The following CDK5RAP2 variants were observed in gnomAD, a reference collection of about 807,000 sequenced individuals.
CDK5RAP2 encodes the protein CDK5 regulatory subunit-associated protein 2.
CDK5RAP2 carries 147 observed loss-of-function variants against 232.9 expected under a neutral mutation model. The observed-to-expected ratio is 0.63, with a 90% CI of 0.55 to 0.72. CDK5RAP2 has a LOEUF of 0.72. CDK5RAP2 is among the 30% of genes least tolerant of loss of function. CDK5RAP2 has a pLI of 0.00. For missense variants in CDK5RAP2, 2,195 were observed against 2,231.5 expected, an observed-to-expected ratio of 0.98 and a Z score of 0.33; for synonymous variants, 833 against 833.7, an observed-to-expected ratio of 1.00 and a Z score of 0.01.
At chr9:120,568,044 A>G (rs1044471985) in intron 3 of CDK5RAP2, among the ~76,000 whole-genome samples, 3 of 152,202 alleles carry the variant, frequency 2.0e-5, no homozygotes, top group African/African-American at 7.2e-5. Context: ...TTAGGACACC[A>G]GAAAGACACC....
chr9:120,410,240 C>A (rs16909765), intron 29 of CDK5RAP2, among the ~76,000 whole-genome samples: 23,197 of 152,132 alleles, frequency 0.15, 1,950 homozygotes, highest in African/African-American at 0.21. Flanking sequence ...AAGATAATTT[C>A]TAAGCAAGCA....
intron 5 of CDK5RAP2, among the ~76,000 whole-genome samples, chr9:120,542,139 T>A (rs1412201121): frequency 6.6e-6 from 1 of 152,190 alleles, no homozygotes; most frequent in East Asian, 1.9e-4. Flanking sequence ...GGTATCATAT[T>A]AACATAGATA....
chr9:120,527,227 G>A (rs917573352), intron 10 of CDK5RAP2, among the ~76,000 whole-genome samples: 1 of 152,140 alleles, frequency 6.6e-6, no homozygotes, highest in Non-Finnish European at 1.5e-5. Flanking sequence ...TACCACCTTG[G>A]ATTACAAACG....
chr9:120,557,896 G>A (rs2042295873), intron 3 of CDK5RAP2, among the ~76,000 whole-genome samples: 1 of 149,230 alleles, frequency 6.7e-6, no homozygotes, highest in Non-Finnish European at 1.5e-5. Context: ...CTCCCGAGCA[G>A]CTGGGATTAC....
chr9:120,528,829 G>A (rs201312502), intron 8 of CDK5RAP2, 32 bp from the exon 9 acceptor site: 151 of 1,523,528 alleles, frequency 9.9e-5, no homozygotes, highest in Admixed American at 1.7e-4. Context: ...TGTGAAGAAG[G>A]GACGTGCAAT....
chr9:120,471,769 TG>T lies in CDK5RAP2; in HGVS notation c.1836del (p.Ser613AlafsTer21). The T allele has an allele frequency of 6.2e-7, 1 of 1,614,178 alleles. No individual in the cohort carries two copies. The highest frequency in any genetic ancestry group is 1.1e-5 in the South Asian group (1 of 91,084). On this transcript the variant is annotated frameshift_variant, in exon 16 of 38. Transcript: ENST00000349780. LOFTEE classifies it high-confidence loss of function. ...QNLRKTLEEQ[I>X]SEIRRREEES... ...GTACCTTCCCGCCTCCGAATTTCGC[TG>T]ATCTGCTCCTCCAAGGTCTTCCGCA... is the stretch of plus-strand genomic sequence containing the variant.
In CDK5RAP2 at chr9:120,409,133, A is replaced by T; in HGVS notation, c.4598T>A (p.Leu1533Gln). ...AGGGAAGCACAGCCACTACCTGCTC[A>T]GCTCCTGGCCGCTGCAGCGGACCTC... ...IQEVRCSGQE[L>Q]SRVQEEVKLR... The change falls in exon 30 of 38, where the codon CTG becomes CAG. Residue 1533 changes from leucine (L) to glutamine (Q), a missense_variant. Leu to Gln is a moderately radical substitution (Grantham distance 113). Coordinates refer to ENST00000349780, the MANE Select transcript of CDK5RAP2 (RefSeq NM_018249.6). The T allele has an allele frequency of 3.1e-6, 5 of 1,611,634 alleles. No individual in the cohort carries two copies. The highest frequency in any genetic ancestry group is 4.2e-6 in the Non-Finnish European group (5 of 1,179,946).
At chr9:120,572,305 T>C (rs1564392756) in intron 1 of CDK5RAP2, among the ~76,000 whole-genome samples, 1 of 152,230 alleles carries the variant, frequency 6.6e-6, no homozygotes. Context: ...TATGTGCTAG[T>C]GGCAGAGGCA....
intron 15 of CDK5RAP2, among the ~76,000 whole-genome samples, chr9:120,472,859 T>C (rs757025846): frequency 6.6e-6 from 1 of 152,380 alleles, no homozygotes; most frequent in East Asian, 1.9e-4. Flanking sequence ...ACTAGCTAAA[T>C]GTGTCTATTG....
intron 12 of CDK5RAP2, among the ~76,000 whole-genome samples, chr9:120,497,397 G>A (rs1588489686): frequency 6.1e-5 from 1 of 16,312 alleles, no homozygotes; most frequent in African/African-American, 7.9e-4. Context: ...AAACACCCAA[G>A]AATTATCAAT....
intron 25 of CDK5RAP2, among the ~76,000 whole-genome samples, chr9:120,429,142 A>G (rs2048892976): frequency 6.6e-6 from 1 of 152,122 alleles, no homozygotes; most frequent in Non-Finnish European, 1.5e-5. Flanking sequence ...ACAAACCCAC[A>G]GCCAATATCA....
rs543370129 is a variant in CDK5RAP2, at chr9:120,458,144, G to A, written c.2375+306C>T. On this transcript the variant is annotated intron_variant, in intron 20 of 37. Transcript: ENST00000349780. ...GTTGTCGAAACTGGAAGATATTTCG[G>A]TAGGGCTGATTCCTCTCGCTGACAG... 6.6e-5 allele frequency among the ~76,000 whole-genome samples: 10 copies of A among 152,276 alleles called. No individual in the cohort carries two copies. The South Asian group carries it at 1.5e-3, about 22-fold the overall frequency.
At chr9:120,400,636 C>CCAAAT in intron 35 of CDK5RAP2, 106 bp downstream of exon 35, 2 of 1,415,696 alleles carry the variant, frequency 1.4e-6, no homozygotes, top group Non-Finnish European at 2.0e-6. Flanking sequence ...AATACATACC[C>CCAAAT]CAAATGGTGG....
At chr9:120,452,238 G>GTCTC (rs373806149) in intron 21 of CDK5RAP2, among the ~76,000 whole-genome samples, 4,568 of 142,878 alleles carry the variant, frequency 0.032, 197 homozygotes, top group African/African-American at 0.1. Context: ...TATAATGGCA[G>GTCTC]TCTCTCTCTC....
At chr9:120,558,072 T>C (rs1484463001) in intron 3 of CDK5RAP2, among the ~76,000 whole-genome samples, 1 of 137,316 alleles carries the variant, frequency 7.3e-6, no homozygotes, top group Non-Finnish European at 1.6e-5. Context: ...AGCCAAGAAA[T>C]TCTTTTTTAA....
intron 14 of CDK5RAP2, among the ~76,000 whole-genome samples, chr9:120,479,912 T>C (rs1264410974): frequency 1.3e-5 from 2 of 152,160 alleles, no homozygotes; most frequent in Non-Finnish European, 2.9e-5. Flanking sequence ...GGGCTGAGGT[T>C]ATACAGGAGA....
At chr9:120,540,393 A>G (rs1379963224) in intron 5 of CDK5RAP2, among the ~76,000 whole-genome samples, 4 of 152,190 alleles carry the variant, frequency 2.6e-5, no homozygotes, top group South Asian at 2.1e-4. Context: ...AATTTTTCCA[A>G]CTGAGAGCCA....
chr9:120,434,685 G>A (rs1371858370), intron 25 of CDK5RAP2, among the ~76,000 whole-genome samples: 1 of 152,178 alleles, frequency 6.6e-6, no homozygotes, highest in East Asian at 1.9e-4. Flanking sequence ...CAGCCAGGGA[G>A]GGAGAGGAGA....
Position 120,530,131 on chromosome 9 carries a change from CTCAA to C in CDK5RAP2, c.668_671del (p.Ile223ArgfsTer3). On this transcript the variant is annotated frameshift_variant, in exon 8 of 38. Coordinates refer to ENST00000349780, the MANE Select transcript of CDK5RAP2 (RefSeq NM_018249.6). LOFTEE classifies it high-confidence loss of function. ...TGCTCTTCAAAGACAGCTTCAACTC[CTCAA>C]TCAGTCTAAAAGAGAACAAAATTTA... 1.2e-6 allele frequency: 2 copies of C among 1,612,776 alleles called. No individual in the cohort carries two copies. Among genetic ancestry groups the C allele is most frequent in the Non-Finnish European group, 8.5e-7 (1 of 1,179,206 alleles).
Sources: allele counts gnomAD v4.1 joint callset (sites outside exome capture counted in the v4.1 genomes callset), GRCh38; gene constraint gnomAD v4.1.1; transcripts MANE v1.5; gene names NCBI Gene and HGNC (gene_info 2026-07-23, HGNC 2026-07-21).